USO1: variants seen among roughly 807,000 people sequenced by gnomAD.
USO1 encodes the protein general vesicular transport factor p115.
Under a neutral mutation model 124.5 loss-of-function variants are expected in USO1, and 57 were observed. That is an observed-to-expected ratio of 0.46 (90% CI 0.37 to 0.57). USO1 has a LOEUF of 0.57. USO1 is among the 20% of genes least tolerant of loss of function. The pLI, the probability that USO1 is intolerant of heterozygous loss-of-function variation, is 0.00. For missense variants in USO1, 900 were observed against 1,040.6 expected (o/e 0.86, Z 1.86); for synonymous variants, 369 against 362.8 (o/e 1.02, Z -0.19).
At chr4:75,802,300 G>A (rs1387529740) in intron 17 of USO1, among the ~76,000 whole-genome samples, 1 of 152,118 alleles carries the variant, frequency 6.6e-6, no homozygotes, top group East Asian at 1.9e-4. Context: ...GTACAAAGAT[G>A]GAGCCATTTC....
intron 3 of USO1, among the ~76,000 whole-genome samples, chr4:75,756,342 G>A (rs1042072945): frequency 1.3e-5 from 2 of 151,940 alleles, no homozygotes; most frequent in Non-Finnish European, 2.9e-5. Flanking sequence ...GCAGATTAGT[G>A]TGATGATTAT....
chr4:75,753,974 A>T (rs1337790453), intron 3 of USO1, among the ~76,000 whole-genome samples: 1 of 150,680 alleles, frequency 6.6e-6, no homozygotes, highest in Non-Finnish European at 1.5e-5. Context: ...TTTTTAGTAG[A>T]GACGGGGTTT....
At chr4:75,788,872 G>A (rs554338271) in intron 10 of USO1, among the ~76,000 whole-genome samples, 4 of 152,050 alleles carry the variant, frequency 2.6e-5, no homozygotes, top group South Asian at 2.1e-4. Context: ...AATAAGTAAC[G>A]AGAAATTTTT....
chr4:75,785,446 A>G (rs562522143), intron 9 of USO1, among the ~76,000 whole-genome samples: 2 of 152,114 alleles, frequency 1.3e-5, no homozygotes, highest in African/African-American at 2.4e-5. Flanking sequence ...GATACTGCCA[A>G]TAGCTCCCAG....
chr4:75,778,160 T>C (rs988993307), intron 8 of USO1, among the ~76,000 whole-genome samples: 2 of 152,170 alleles, frequency 1.3e-5, no homozygotes, highest in African/African-American at 4.8e-5. Flanking sequence ...AATGCCCCAG[T>C]TGAAAATCTA....
At chr4:75,763,346 A>G (rs894252052) in intron 4 of USO1, among the ~76,000 whole-genome samples, 1 of 152,192 alleles carries the variant, frequency 6.6e-6, no homozygotes, top group African/African-American at 2.4e-5. Context: ...TACCCATACA[A>G]CCATTCTGTT....
chr4:75,764,117 A>G (rs1953018702), intron 4 of USO1, among the ~76,000 whole-genome samples: 1 of 152,212 alleles, frequency 6.6e-6, no homozygotes, highest in Admixed American at 6.5e-5. Flanking sequence ...GTTCAGTTCA[A>G]AATGTAAATT....
intron 4 of USO1, 185 bp from the exon 5 acceptor site, chr4:75,770,254 A>G (rs1721883102): frequency 7.5e-6 from 3 of 400,126 alleles, no homozygotes; most frequent in Non-Finnish European, 8.4e-6. Context: ...ATGTATTTAA[A>G]TGAATTTGAA....
intron 3 of USO1, among the ~76,000 whole-genome samples, chr4:75,756,228 A>T (rs901859882): frequency 4.6e-5 from 7 of 151,396 alleles, no homozygotes; most frequent in African/African-American, 1.7e-4. Context: ...GAGTGTAGTG[A>T]TAGAAAAAAA....
At chr4:75,738,660 A>G (rs370243383) in intron 1 of USO1, among the ~76,000 whole-genome samples, 38 of 151,844 alleles carry the variant, frequency 2.5e-4, no homozygotes, top group African/African-American at 9.2e-4. Context: ...AAAAATTTTT[A>G]ATGGAGATAG....
intron 16 of USO1, 101 bp from the exon 17 acceptor site, chr4:75,800,978 T>G (rs1019363992): frequency 1.4e-6 from 2 of 1,383,158 alleles, no homozygotes; most frequent in African/African-American, 2.9e-5. Context: ...AGATTATTTC[T>G]TACCTATCAT....
At chr4:75,742,155 G>C (rs1194134134) in intron 1 of USO1, among the ~76,000 whole-genome samples, 2 of 152,160 alleles carry the variant, frequency 1.3e-5, no homozygotes, top group Non-Finnish European at 2.9e-5. Flanking sequence ...ACCATTAAAA[G>C]TATAATATAG....
chr4:75,791,283 G>A (rs1236806235), intron 12 of USO1, among the ~76,000 whole-genome samples: 2 of 152,162 alleles, frequency 1.3e-5, no homozygotes, highest in Non-Finnish European at 2.9e-5. Flanking sequence ...CAACATTTTG[G>A]GAGGCCAAGG....
intron 1 of USO1, among the ~76,000 whole-genome samples, chr4:75,747,389 A>G (rs1170504768): frequency 1.3e-5 from 2 of 151,992 alleles, no homozygotes; most frequent in Non-Finnish European, 2.9e-5. Context: ...CAGTCCTCCT[A>G]CCTCAGCCTC....
chr4:75,790,719 T>C lies in USO1; in HGVS notation c.1162T>C (p.Cys388Arg). 1 of 1,613,788 alleles carries C rather than the reference T, an allele frequency of 6.2e-7. No individual in the cohort carries two copies. The highest frequency in any genetic ancestry group is 8.5e-7 in the Non-Finnish European group (1 of 1,179,782). ...TGTTTTGCGCTGTGCTGTTCTCTATTGTTTCCAGTGTTTCTTGTATAAAAA... is the reference window on the plus strand; with the variant it reads ...TGTTTTGCGCTGTGCTGTTCTCTATCGTTTCCAGTGTTTCTTGTATAAAAA... ...PFVLRCAVLY[C>R]FQCFLYKNQK... The change falls in exon 12 of 24, where the codon TGT (cysteine) becomes CGT (arginine). Residue 388 changes from cysteine to arginine, a missense_variant. Around this residue, in one of 2 missense-constraint regions of USO1, gnomAD observed 538 missense variants for 681.6 expected, o/e 0.79. Coordinates refer to ENST00000514213, the MANE Select transcript of USO1 (RefSeq NM_003715.4).
At chr4:75,762,667 G>A (rs1012147523) in intron 4 of USO1, among the ~76,000 whole-genome samples, 2 of 152,146 alleles carry the variant, frequency 1.3e-5, no homozygotes, top group South Asian at 2.1e-4. Flanking sequence ...GGTGGCTCAC[G>A]CCTGTAATGC....
At position 75,800,738 on chromosome 4, in the gene USO1, T is replaced by G. The variant is rs776553897; in HGVS notation, c.1803T>G (p.Phe601Leu). 3 of 1,613,094 alleles carry G rather than the reference T, an allele frequency of 1.9e-6. No homozygotes were observed. In the Admixed American group the frequency reaches 5.0e-5, roughly 27 times the overall value. ...SRASQKPQPN[F>L]PSPEYMIFDH... ...CATCTCAGAAACCCCAGCCAAACTT[T>G]CCCAGTCCAGAATACATGATATTTG... Residue 601 changes from phenylalanine to leucine, a missense_variant, in exon 16 of 24, where the codon TTT becomes TTG. By Grantham distance (22) the Phe-to-Leu change is conservative (BLOSUM62 0). Coordinates refer to ENST00000514213, the MANE Select transcript of USO1 (RefSeq NM_003715.4).
intron 1 of USO1, among the ~76,000 whole-genome samples, chr4:75,734,718 CTTTTTTTTTTTTTTTT>C (rs55928639): frequency 4.2e-5 from 2 of 47,450 alleles, no homozygotes; most frequent in African/African-American, 8.5e-5. Context: ...GGCAGTATGG[CTTTTTTTTTTTTTTTT>C]TTTTTTTTTT....
intron 1 of USO1, 75 bp downstream of exon 1, chr4:75,724,960 A>C: frequency 1.3e-6 from 2 of 1,537,034 alleles, no homozygotes; most frequent in Non-Finnish European, 1.8e-6. Flanking sequence ...GGAGACCCGA[A>C]GGTCACCTCC....
Sources: gnomAD v4.1 joint callset for allele counts (sites outside exome capture counted in the v4.1 genomes callset) on GRCh38, gnomAD v4.1.1 for gene constraint, gnomAD v4.1.1 regional missense constraint, MANE v1.5 for transcripts, NCBI Gene and HGNC (gene_info 2026-07-23, HGNC 2026-07-21) for gene names.